FRRS1L: variants seen among roughly 807,000 people sequenced by gnomAD.
FRRS1L encodes the protein DOMON domain-containing protein FRRS1L.
A neutral mutation model predicts 28.6 loss-of-function variants in FRRS1L; 22 were observed. The observed-to-expected ratio is 0.77, with a 90% CI of 0.55 to 1.10. The LOEUF (loss-of-function observed/expected upper bound fraction) is 1.10, where lower values mean the gene tolerates loss of function less well. Ranked by LOEUF, FRRS1L falls within the 50% of genes least tolerant of loss-of-function variation. The pLI is 0.00. For missense variants in FRRS1L, 380 were observed against 386.9 expected (o/e 0.98, Z 0.15); for synonymous variants, 158 against 151.4 (o/e 1.04, Z -0.32).
At position 109,167,203 on chromosome 9, in the gene FRRS1L, G is replaced by A. The variant is rs1218516340; in HGVS notation, c.-65C>T. On this transcript the variant is annotated 5_prime_UTR_variant, in exon 1 of 5. Transcript: ENST00000561981. Reference sequence around the variant, plus strand: ...AGCGGGGGCGCCGCGGGCGCGGGCCGGGACTGAGCCTCCGCCGAGGCCACC... The same window carrying A: ...AGCGGGGGCGCCGCGGGCGCGGGCCAGGACTGAGCCTCCGCCGAGGCCACC... The A allele has an allele frequency of 4.8e-6, 6 of 1,258,148 alleles. No individual in the cohort carries two copies. Among genetic ancestry groups the A allele is most frequent in the South Asian group, 2.3e-5 (1 of 43,418 alleles). The allele number at this position is 1,258,148 out of a possible 1,614,324, so 77.9% of individuals were successfully genotyped here. A position where few individuals can be genotyped will look rare whatever the true frequency, so the allele number is the denominator to read the frequency against.
chr9:109,139,773 A>G (rs1831156874), intron 4 of FRRS1L: 1 of 152,238 alleles, frequency 6.6e-6, no homozygotes, highest in Non-Finnish European at 1.5e-5. Flanking sequence ...GAGACAGTCA[A>G]GTGTCTTCCC....
intron 1 of FRRS1L, among the ~76,000 whole-genome samples, chr9:109,161,496 C>G (rs973385598): frequency 6.6e-6 from 1 of 151,824 alleles, no homozygotes; most frequent in African/African-American, 2.4e-5. Flanking sequence ...CCCTCCTTTC[C>G]TCTCTATTAT....
intron 3 of FRRS1L, among the ~76,000 whole-genome samples, chr9:109,143,753 G>T (rs747390266): frequency 5.9e-5 from 9 of 151,976 alleles, no homozygotes; most frequent in Non-Finnish European, 1.3e-4. Flanking sequence ...GACCTCAGGG[G>T]ATCCGCCTGC....
intron 1 of FRRS1L, among the ~76,000 whole-genome samples, chr9:109,164,636 T>A (rs1831523735): frequency 6.6e-6 from 1 of 152,144 alleles, no homozygotes; most frequent in Admixed American, 6.5e-5. Flanking sequence ...GACCTCCTGA[T>A]CCACCCACCT....
At chr9:109,162,976 C>T (rs9697071) in intron 1 of FRRS1L, among the ~76,000 whole-genome samples, 2 of 152,170 alleles carry the variant, frequency 1.3e-5, no homozygotes, top group Non-Finnish European at 2.9e-5. Context: ...TCTTTTCCTT[C>T]TTAGGCAGGG....
intron 1 of FRRS1L, among the ~76,000 whole-genome samples, chr9:109,162,315 C>CA (rs1178973576): frequency 5.3e-5 from 8 of 152,220 alleles, no homozygotes; most frequent in East Asian, 1.9e-4. Context: ...GATTCTGTCT[C>CA]AAAAACAAAA....
At chr9:109,144,069 G>GC (rs1831222941) in intron 3 of FRRS1L, among the ~76,000 whole-genome samples, 1 of 152,086 alleles carries the variant, frequency 6.6e-6, no homozygotes, top group South Asian at 2.1e-4. Flanking sequence ...GAGTGCAAAT[G>GC]CATTTAGGAC....
intron 3 of FRRS1L, among the ~76,000 whole-genome samples, chr9:109,143,550 T>C (rs752489077): frequency 2.1e-5 from 3 of 145,278 alleles, no homozygotes; most frequent in Non-Finnish European, 4.5e-5. Context: ...AGAGTCTCAC[T>C]GTTGCTCAGG....
intron 1 of FRRS1L, among the ~76,000 whole-genome samples, chr9:109,165,001 T>C (rs1219779980): frequency 6.6e-6 from 1 of 152,202 alleles, no homozygotes; most frequent in Non-Finnish European, 1.5e-5. Flanking sequence ...GCAGAGAGAC[T>C]CAAAGGACGT....
chr9:109,155,140 GC>G (rs1831388218), intron 1 of FRRS1L, among the ~76,000 whole-genome samples: 2 of 152,286 alleles, frequency 1.3e-5, no homozygotes, highest in African/African-American at 4.8e-5. Flanking sequence ...CAGGCACAAA[GC>G]CTGGAAATGC....
intron 4 of FRRS1L, chr9:109,137,999 G>C (rs1251227623): frequency 6.5e-6 from 1 of 153,088 alleles, no homozygotes; most frequent in South Asian, 2.1e-4. Flanking sequence ...ATACCCAAAT[G>C]GGCAAACTAT....
chr9:109,162,614 C>T (rs763674375), intron 1 of FRRS1L, among the ~76,000 whole-genome samples: 19 of 152,108 alleles, frequency 1.2e-4, no homozygotes, highest in African/African-American at 4.3e-4. Context: ...GGGCCTGCTG[C>T]GTAGTAAGCA....
chr9:109,155,858 T>G (rs940278110), intron 1 of FRRS1L, among the ~76,000 whole-genome samples: 1 of 152,072 alleles, frequency 6.6e-6, no homozygotes, highest in Non-Finnish European at 1.5e-5. Flanking sequence ...TGTTCTAAAA[T>G]TGATTGTGGT....
rs1422684514 is a variant in FRRS1L at position 109,136,787 on chromosome 9, T to C, written c.*668A>G. On this transcript the variant is annotated 3_prime_UTR_variant, in exon 5 of 5. Transcript: ENST00000561981. Reference sequence around the variant, plus strand: ...ACCTGCCCGTCTTGGCCTCCTAAAGTGCTGGGATCACAGGCGTGAGCCACC... The same window carrying C: ...ACCTGCCCGTCTTGGCCTCCTAAAGCGCTGGGATCACAGGCGTGAGCCACC... 1.3e-5 allele frequency: 2 copies of C among 152,212 alleles called. No homozygotes were observed. The highest frequency in any genetic ancestry group is 2.9e-5 in the Non-Finnish European group (2 of 68,056). The allele number at this position is 152,212 out of a possible 1,614,324, so 9.4% of individuals were successfully genotyped here. A position where few individuals can be genotyped will look rare whatever the true frequency, so the allele number is the denominator to read the frequency against.
At chr9:109,142,883 A>G (rs550431206) in intron 3 of FRRS1L, among the ~76,000 whole-genome samples, 75 of 152,338 alleles carry the variant, frequency 4.9e-4, no homozygotes, top group Non-Finnish European at 9.6e-4. Flanking sequence ...GTTTTACCAC[A>G]ATAAAAAAGT....
chr9:109,139,006 C>T (rs1017722768), intron 4 of FRRS1L: 1 of 152,138 alleles, frequency 6.6e-6, no homozygotes, highest in Non-Finnish European at 1.5e-5. Flanking sequence ...TGAGACCAGC[C>T]TGGCAAACAT....
chr9:109,149,329 C>A (rs1342774495), intron 2 of FRRS1L, among the ~76,000 whole-genome samples: 2 of 152,314 alleles, frequency 1.3e-5, no homozygotes, highest in South Asian at 2.1e-4. Flanking sequence ...GCTGAATAAG[C>A]ACAGACACGT....
intron 1 of FRRS1L, among the ~76,000 whole-genome samples, chr9:109,159,830 C>T (rs986427717): frequency 2.6e-5 from 4 of 152,208 alleles, no homozygotes; most frequent in Non-Finnish European, 5.9e-5. Flanking sequence ...GACTTGCAAA[C>T]ATCAGCTCAT....
chr9:109,142,212 T>G (rs1831197722), intron 3 of FRRS1L, among the ~76,000 whole-genome samples: 1 of 152,116 alleles, frequency 6.6e-6, no homozygotes, highest in South Asian at 2.1e-4. Context: ...ACTTAAGTAT[T>G]TAGGGTTAAA....
Sources: gnomAD v4.1 joint callset for allele counts (sites outside exome capture counted in the v4.1 genomes callset) on GRCh38, gnomAD v4.1.1 for gene constraint, MANE v1.5 for transcripts, NCBI Gene and HGNC (gene_info 2026-07-23, HGNC 2026-07-21) for gene names.